MORF4L1: variants seen among roughly 807,000 people sequenced by gnomAD.
MORF4L1 encodes mortality factor 4-like protein 1.
MORF4L1 carries 4 observed loss-of-function variants against 52.9 expected under a neutral mutation model. That is an observed-to-expected ratio of 0.08 (90% CI 0.04 to 0.17). MORF4L1 has a LOEUF of 0.17. MORF4L1 is among the 10% of genes least tolerant of loss of function. The pLI is 1.00. For missense variants in MORF4L1, 214 were observed against 390.4 expected, an observed-to-expected ratio of 0.55 and a Z score of 3.81; for synonymous variants, 123 against 134.8, an observed-to-expected ratio of 0.91 and a Z score of 0.61.
At chr15:78,884,215 CAAA>C (rs963713553) in intron 3 of MORF4L1, among the ~76,000 whole-genome samples, 1 of 124,408 alleles carries the variant, frequency 8.0e-6, no homozygotes, top group East Asian at 2.3e-4. Flanking sequence ...AAAAAAAAAA[CAAA>C]AAGCTGAAAT....
chr15:78,896,894 T>A, intron 11 of MORF4L1, 89 bp from the exon 12 acceptor site: 2 of 964,314 alleles, frequency 2.1e-6, no homozygotes, highest in East Asian at 5.4e-5. Flanking sequence ...GAAAGTGTTT[T>A]CTGTGGCTTA....
rs141866983 is a variant in MORF4L1, at chr15:78,885,608, C to T, written c.156-533C>T. ...TGTAGACTTCCTAATATGTTTCTGA[C>T]ATACCTTTAGTGTTGTTTTGTGTCA... On this transcript the variant is annotated intron_variant, in intron 3 of 11. Transcript: ENST00000426013. Among the ~76,000 whole-genome samples the T allele has an allele frequency of 1.7e-4, 26 of 152,310 alleles. 1 individual carries two copies. The highest frequency in any genetic ancestry group is 6.3e-4 in the African/African-American group (26 of 41,574).
intron 1 of MORF4L1, chr15:78,876,410 T>C: frequency 2.7e-6 from 1 of 373,550 alleles, no homozygotes; most frequent in South Asian, 1.9e-5. Context: ...AAATTCTTTT[T>C]TGTTTTGTTT....
intron 8 of MORF4L1, 52 bp downstream of exon 8, chr15:78,892,365 G>A: frequency 7.4e-7 from 1 of 1,351,192 alleles, no homozygotes; most frequent in South Asian, 1.2e-5. Context: ...ATTCTTGCTA[G>A]CAAAAAAAGT....
intron 2 of MORF4L1, among the ~76,000 whole-genome samples, chr15:78,879,557 A>C (rs2056561684): frequency 6.6e-6 from 1 of 152,134 alleles, no homozygotes; most frequent in Non-Finnish European, 1.5e-5. Flanking sequence ...AAATGACTGA[A>C]TTTGGATGTA....
intron 1 of MORF4L1, among the ~76,000 whole-genome samples, chr15:78,877,547 A>G (rs1287869641): frequency 6.6e-6 from 1 of 152,220 alleles, no homozygotes; most frequent in East Asian, 1.9e-4. Flanking sequence ...CTCAAATGTA[A>G]TCTGAGGTAC....
chr15:78,884,341 G>C (rs115957851), intron 3 of MORF4L1, among the ~76,000 whole-genome samples: 1 of 151,944 alleles, frequency 6.6e-6, no homozygotes, highest in East Asian at 1.9e-4. Context: ...GTGAAACTCT[G>C]TCTCTACTAA....
intron 11 of MORF4L1, among the ~76,000 whole-genome samples, chr15:78,896,038 A>T (rs1049464946): frequency 6.6e-6 from 1 of 151,826 alleles, no homozygotes; most frequent in Non-Finnish European, 1.5e-5. Context: ...GAGTGCAGTG[A>T]TGCGATCACA....
At chr15:78,891,119 T>A (rs1596249974) in intron 6 of MORF4L1, 105 bp downstream of exon 6, 1 of 1,277,748 alleles carries the variant, frequency 7.8e-7, no homozygotes, top group Admixed American at 2.2e-5. Flanking sequence ...GTTTATTGAT[T>A]ATCTCAAATA....
At chr15:78,879,235 GCCC>G (rs1158792588) in intron 2 of MORF4L1, among the ~76,000 whole-genome samples, 41 of 148,890 alleles carry the variant, frequency 2.8e-4, no homozygotes, top group East Asian at 2.2e-3. Context: ...GCCCCGCCCC[GCCC>G]CCCAAGACAG....
chr15:78,887,209 C>CA lies in MORF4L1; in HGVS notation c.243-58dup. ...TAAATTCCTAATGGAATCAGGCTGA[C>CA]AATTTTTTTTTCACATAAATGCTCA... On this transcript the variant is annotated intron_variant, in intron 4 of 11. Transcript: ENST00000426013. 3 of 1,433,934 alleles carry CA rather than the reference C, an allele frequency of 2.1e-6. No homozygotes were observed. The South Asian group carries it at 3.8e-5, about 18-fold the overall frequency. 88.8% of individuals were successfully genotyped at this position (1,433,934 alleles called of 1,614,324 possible).
rs112364296 is a variant in MORF4L1, at chr15:78,882,578, A to G, written c.155+1999A>G. Among the ~76,000 whole-genome samples the G allele has an allele frequency of 3.3e-5, 5 of 152,294 alleles. 1 individual carries two copies. The highest frequency in any genetic ancestry group is 1.2e-4 in the African/African-American group (5 of 41,558). On this transcript the variant is annotated intron_variant, in intron 3 of 11. Transcript: ENST00000426013. ...TTGCTAAAACTGCATTTCAATCTTT[A>G]TTAGACTTATATTTTGTGTGTTGAT...
At chr15:78,878,810 T>C (rs2056544088) in intron 2 of MORF4L1, among the ~76,000 whole-genome samples, 1 of 152,204 alleles carries the variant, frequency 6.6e-6, no homozygotes, top group Non-Finnish European at 1.5e-5. Context: ...AAAAAAAGTT[T>C]CAGTATTTTG....
intron 2 of MORF4L1, among the ~76,000 whole-genome samples, chr15:78,879,921 A>G (rs764973937): frequency 5.9e-5 from 9 of 152,246 alleles, no homozygotes; most frequent in Non-Finnish European, 1.0e-4. Context: ...AATTGAAGCT[A>G]TTGAAACAAA....
In MORF4L1 at chr15:78,893,608, C is replaced by T. The variant is rs749984588; in HGVS notation, c.610C>T (p.Arg204Cys). 6.3e-6 allele frequency: 10 copies of T among 1,584,394 alleles called. No homozygotes were observed. Among genetic ancestry groups the T allele is most frequent in the Admixed American group, 3.4e-5 (2 of 58,990 alleles). ...LEDYANYKKS[R>C]GNTDNKEYAV... ...GGATTATGCAAATTACAAGAAATCT[C>T]GTGGAAACACAGATAATAAGTAAGA... The change falls in exon 9 of 12, where the codon CGT becomes TGT. Residue 204 changes from arginine (R) to cysteine (C), a missense_variant. Arg to Cys is a radical substitution (Grantham distance 180, BLOSUM62 -3). Around this residue, in one of 5 missense-constraint regions of MORF4L1, gnomAD observed 68 missense variants for 171.6 expected, o/e 0.40. Coordinates refer to ENST00000426013, the MANE Select transcript of MORF4L1 (RefSeq NM_006791.4).
At chr15:78,875,827 C>T (rs1317843551) in intron 1 of MORF4L1, among the ~76,000 whole-genome samples, 1 of 152,004 alleles carries the variant, frequency 6.6e-6, no homozygotes, top group Non-Finnish European at 1.5e-5. Context: ...CGGAGAATAT[C>T]TTGCAAGGGA....
Position 78,887,275 on chromosome 15 carries a change from G to C in MORF4L1, c.249G>C (p.Gln83His), listed in dbSNP as rs1412683661. ...ACTGAAATTATTTTTGAAGGGAGCA[G>C]TATGCAGAGGGGAAGATGAGAGGGG... ...QRELQKANQE[Q>H]YAEGKMRGAA... The change falls in exon 5 of 12, where the codon CAG becomes CAC. Residue 83 changes from glutamine to histidine, a missense_variant. Physicochemically the swap from Gln to His is conservative, Grantham distance 24. Around this residue, in one of 5 missense-constraint regions of MORF4L1, gnomAD observed 84 missense variants for 116.3 expected, o/e 0.72. Coordinates refer to ENST00000426013, the MANE Select transcript of MORF4L1 (RefSeq NM_006791.4). The C allele has an allele frequency of 3.1e-6, 5 of 1,607,456 alleles. No individual in the cohort carries two copies. In the Admixed American group the frequency reaches 5.2e-5, roughly 17 times the overall value.
intron 10 of MORF4L1, 112 bp from the exon 11 acceptor site, chr15:78,894,708 T>TA: frequency 1.1e-6 from 1 of 871,058 alleles, no homozygotes; most frequent in Non-Finnish European, 1.9e-6. Context: ...ATGCCCGGCC[T>TA]AAAATCATGT....
At chr15:78,876,351 A>G (rs142882462) in intron 1 of MORF4L1, 9 of 291,548 alleles carry the variant, frequency 3.1e-5, no homozygotes, top group African/African-American at 1.7e-4. Context: ...TGTATAAGCA[A>G]TTCTTAAGGC....
Sources: gnomAD v4.1 joint callset for allele counts (sites outside exome capture counted in the v4.1 genomes callset) on GRCh38, gnomAD v4.1.1 for gene constraint, gnomAD v4.1.1 regional missense constraint, MANE v1.5 for transcripts, NCBI Gene and HGNC (gene_info 2026-07-23, HGNC 2026-07-21) for gene names.